Variants in CNTNAP2 observed in about 807,000 individuals in gnomAD.
CNTNAP2 encodes contactin-associated protein-like 2.
Under a neutral mutation model 155.2 loss-of-function variants are expected in CNTNAP2, and 98 were observed. The ratio of observed to expected loss-of-function variants is 0.63; its 90% CI spans 0.54 to 0.75. CNTNAP2 has a LOEUF of 0.75. CNTNAP2 is among the 30% of genes least tolerant of loss of function. The pLI is 0.00. For synonymous variants in CNTNAP2, 651 were observed against 631.2 expected, an observed-to-expected ratio of 1.03 and a Z score of -0.47; for missense variants, 1,727 against 1,688.1, an observed-to-expected ratio of 1.02 and a Z score of -0.40.
intron 13 of CNTNAP2, among the ~76,000 whole-genome samples, chr7:147,886,901 G>A (rs1041198865): frequency 6.6e-6 from 1 of 152,122 alleles, no homozygotes; most frequent in African/African-American, 2.4e-5. Flanking sequence ...ACCACTAGCT[G>A]ATCCATCAGG....
chr7:148,099,761 CTTGAATTCTTTCA>C (rs762190154), intron 15 of CNTNAP2, among the ~76,000 whole-genome samples: 2 of 151,424 alleles, frequency 1.3e-5, no homozygotes, highest in Non-Finnish European at 2.9e-5. Context: ...ACACAGCACT[CTTGAATTCTTTCA>C]GCCATTCCCA....
At chr7:147,823,121 C>A (rs1401229416) in intron 13 of CNTNAP2, among the ~76,000 whole-genome samples, 2 of 152,088 alleles carry the variant, frequency 1.3e-5, no homozygotes, top group African/African-American at 2.4e-5. Flanking sequence ...ATTGTGAATC[C>A]TTTTCATCCA....
intron 8 of CNTNAP2, among the ~76,000 whole-genome samples, chr7:147,224,127 T>A (rs1316218790): frequency 1.3e-5 from 2 of 152,096 alleles, no homozygotes; most frequent in Admixed American, 1.3e-4. Flanking sequence ...CTCTTTAATC[T>A]GGGGGGCAGC....
Position 146,426,185 on chromosome 7 carries a change from C to CAAAAAAAAAAA in CNTNAP2, c.97+309227_97+309237dup, listed in dbSNP as rs57484419. Among the ~76,000 whole-genome samples the CAAAAAAAAAAA allele has an allele frequency of 3.0e-3, 166 of 54,610 alleles. 9 individuals are homozygous for CAAAAAAAAAAA. The highest frequency in any genetic ancestry group is 0.012 in the African/African-American group (159 of 13,442). 35.8% of individuals were successfully genotyped at this position (54,610 alleles called of 152,430 possible). A position where few individuals can be genotyped will look rare whatever the true frequency, so the allele number is the denominator to read the frequency against. Reference sequence around the variant, plus strand: ...TGGGCTACAGAGTGAGACTTCGCCTCAAAAAAAAAAAAAAAAAAAAAAAAA... The same window carrying CAAAAAAAAAAA: ...TGGGCTACAGAGTGAGACTTCGCCTCAAAAAAAAAAAAAAAAAAAAAAAAAAAAAAAAAAAA... On this transcript the variant is annotated intron_variant, in intron 1 of 23. Transcript: ENST00000361727.
chr7:148,223,773 T>A (rs1160120549), intron 19 of CNTNAP2, among the ~76,000 whole-genome samples: 1 of 152,156 alleles, frequency 6.6e-6, no homozygotes, highest in Non-Finnish European at 1.5e-5. Context: ...GTGAAGCAGT[T>A]ATAGGAATTT....
At chr7:146,574,687 G>A (rs966371780) in intron 1 of CNTNAP2, among the ~76,000 whole-genome samples, 2 of 152,086 alleles carry the variant, frequency 1.3e-5, no homozygotes, top group East Asian at 1.9e-4. Flanking sequence ...GTGACAGAGC[G>A]AGACTCCATC....
At position 148,410,022 on chromosome 7, in the gene CNTNAP2, G is replaced by T. The variant is rs796140118; in HGVS notation, c.3796+551G>T. 6.4e-4 allele frequency among the ~76,000 whole-genome samples: 35 copies of T among 54,768 alleles called. 10 individuals are homozygous for T. Among genetic ancestry groups the T allele is most frequent in the African/African-American group, 3.8e-3 (33 of 8,750 alleles). The allele number at this position is 54,768 out of a possible 152,430, so 35.9% of individuals were successfully genotyped here. A position where few individuals can be genotyped will look rare whatever the true frequency, so the allele number is the denominator to read the frequency against. On this transcript the variant is annotated intron_variant, in intron 23 of 23. Coordinates refer to ENST00000361727, the MANE Select transcript of CNTNAP2 (RefSeq NM_014141.6). ...GCCAAGATTGTGCCACTGCAATCCG[G>T]CCTGGGCTAAAGAGCGGGACTCCGT...
intron 2 of CNTNAP2, among the ~76,000 whole-genome samples, chr7:146,809,189 G>A (rs767675947): frequency 4.6e-5 from 7 of 152,102 alleles, no homozygotes; most frequent in Non-Finnish European, 7.4e-5. Context: ...TACCAACAGA[G>A]GAGTATAAGC....
chr7:148,277,910 C>T (rs951430929), intron 21 of CNTNAP2, among the ~76,000 whole-genome samples: 1 of 151,658 alleles, frequency 6.6e-6, no homozygotes, highest in South Asian at 2.1e-4. Flanking sequence ...CACTAATCTG[C>T]GGGTCAGCTA....
intron 15 of CNTNAP2, among the ~76,000 whole-genome samples, chr7:147,979,800 T>G (rs1483745871): frequency 2.0e-5 from 3 of 152,090 alleles, no homozygotes; most frequent in South Asian, 2.1e-4. Flanking sequence ...TTTTTGCACT[T>G]TTAGTAGAGA....
intron 4 of CNTNAP2, among the ~76,000 whole-genome samples, chr7:147,047,011 G>A (rs1333308227): frequency 8.3e-5 from 11 of 131,912 alleles, no homozygotes; most frequent in Admixed American, 3.9e-4. Flanking sequence ...CAACCTGGGC[G>A]ACAGAGCCAG....
At chr7:147,789,014 C>G (rs1281121172) in intron 13 of CNTNAP2, among the ~76,000 whole-genome samples, 1 of 147,060 alleles carries the variant, frequency 6.8e-6, no homozygotes, top group Non-Finnish European at 1.5e-5. Context: ...AAGAAATTCT[C>G]CTGCCTCAGC....
At chr7:146,412,408 A>G (rs1474711438) in intron 1 of CNTNAP2, among the ~76,000 whole-genome samples, 1 of 152,186 alleles carries the variant, frequency 6.6e-6, no homozygotes, top group Non-Finnish European at 1.5e-5. Flanking sequence ...GAGACAAGAG[A>G]AGAGTCTCAG....
intron 12 of CNTNAP2, among the ~76,000 whole-genome samples, chr7:147,636,296 G>A (rs73470989): frequency 0.09 from 13,671 of 152,156 alleles, 1,707 homozygotes; most frequent in African/African-American, 0.26. Context: ...GATGAAAGGG[G>A]TTTAGAGCCT....
chr7:146,347,060 G>A (rs1794829374), intron 1 of CNTNAP2, among the ~76,000 whole-genome samples: 2 of 147,768 alleles, frequency 1.4e-5, no homozygotes, highest in African/African-American at 2.5e-5. Context: ...CCTATAGTTC[G>A]TAAGCAGCCG....
chr7:147,356,686 C>T (rs984089555), intron 9 of CNTNAP2, among the ~76,000 whole-genome samples: 1 of 152,058 alleles, frequency 6.6e-6, no homozygotes, highest in Admixed American at 6.6e-5. Flanking sequence ...TCATAGTAGG[C>T]TTACAAGAAA....
At chr7:146,623,395 A>G (rs1253361720) in intron 1 of CNTNAP2, among the ~76,000 whole-genome samples, 20 of 152,240 alleles carry the variant, frequency 1.3e-4, no homozygotes, top group Non-Finnish European at 1.5e-5. Context: ...AATAGTTCCA[A>G]TGCCCTAAAA....
intron 6 of CNTNAP2, among the ~76,000 whole-genome samples, chr7:147,123,066 A>C (rs1357654111): frequency 6.6e-6 from 1 of 152,106 alleles, no homozygotes; most frequent in Non-Finnish European, 1.5e-5. Flanking sequence ...ACTGATGGAG[A>C]CTTTATTAAC....
chr7:146,345,789 T>A (rs777273601), intron 1 of CNTNAP2, among the ~76,000 whole-genome samples: 2 of 152,110 alleles, frequency 1.3e-5, no homozygotes, highest in Non-Finnish European at 2.9e-5. Context: ...ACTAACAAAA[T>A]GTAAAGGGTA....
Sources: allele counts gnomAD v4.1 joint callset (sites outside exome capture counted in the v4.1 genomes callset), GRCh38; gene constraint gnomAD v4.1.1; transcripts MANE v1.5; gene names NCBI Gene and HGNC (gene_info 2026-07-23, HGNC 2026-07-21).